NEGR1: variants seen among roughly 807,000 people sequenced by gnomAD.
The protein encoded by NEGR1 is IgLON family member 4.
A neutral mutation model predicts 40.9 loss-of-function variants in NEGR1; 10 were observed. The observed-to-expected ratio is 0.24, with a 90% confidence interval of 0.15 to 0.42. NEGR1 has a LOEUF of 0.42. NEGR1 is among the 10% of genes least tolerant of loss of function. The pLI is 1.00. For missense variants in NEGR1, 352 were observed against 438.9 expected (o/e 0.80, Z 1.77); for synonymous variants, 185 against 166.8 (o/e 1.11, Z -0.84).
intron 2 of NEGR1, among the ~76,000 whole-genome samples, chr1:71,814,563 C>T (rs1043848583): frequency 1.3e-5 from 2 of 151,920 alleles, no homozygotes; most frequent in East Asian, 1.9e-4. Context: ...GGTTGGCAGG[C>T]TATTTATTAC....
intron 1 of NEGR1, among the ~76,000 whole-genome samples, chr1:71,998,241 A>G (rs1016685188): frequency 2.6e-5 from 4 of 151,948 alleles, no homozygotes; most frequent in African/African-American, 9.7e-5. Flanking sequence ...ATTAAACCAA[A>G]TAATGCATGT....
Position 71,928,084 on chromosome 1 carries a change from G to A in NEGR1, c.409+6995C>T, listed in dbSNP as rs1190544302. Reference sequence around the variant, plus strand: ...TACACACACACATATGTACATATATGTATATATACACACATATGTATATAT... The same window carrying A: ...TACACACACACATATGTACATATATATATATATACACACATATGTATATAT... On this transcript the variant is annotated intron_variant, in intron 2 of 6. Coordinates refer to ENST00000357731, the MANE Select transcript of NEGR1 (RefSeq NM_173808.3). 7.4e-4 allele frequency among the ~76,000 whole-genome samples: 76 copies of A among 103,364 alleles called. 3 individuals are homozygous for A. The highest frequency in any genetic ancestry group is 7.9e-4 in the Non-Finnish European group (40 of 50,410). The allele number at this position is 103,364 out of a possible 152,430, so 67.8% of individuals were successfully genotyped here. A position where few individuals can be genotyped will look rare whatever the true frequency, so the allele number is the denominator to read the frequency against.
chr1:71,603,505 G>T (rs1649989025), intron 5 of NEGR1, among the ~76,000 whole-genome samples: 1 of 152,112 alleles, frequency 6.6e-6, no homozygotes, highest in Admixed American at 6.5e-5. Flanking sequence ...ATGTAATCCG[G>T]TTAGAATTAT....
intron 1 of NEGR1, among the ~76,000 whole-genome samples, chr1:72,267,110 C>T (rs967267272): frequency 3.3e-5 from 5 of 150,898 alleles, no homozygotes; most frequent in Admixed American, 1.3e-4. Flanking sequence ...GAGCTTCCAA[C>T]GTTTACCTTT....
At chr1:71,844,846 T>G (rs1374146142) in intron 2 of NEGR1, among the ~76,000 whole-genome samples, 1 of 152,164 alleles carries the variant, frequency 6.6e-6, no homozygotes, top group Non-Finnish European at 1.5e-5. Context: ...GGACAGAGAT[T>G]GTCTTGTCTT....
chr1:71,890,268 C>A (rs1213283284), intron 2 of NEGR1, among the ~76,000 whole-genome samples: 2 of 57,250 alleles, frequency 3.5e-5, no homozygotes, highest in Non-Finnish European at 6.0e-5. Flanking sequence ...AAGACACAGA[C>A]TAGCAAGTTG....
chr1:71,697,774 T>C (rs902505662), intron 4 of NEGR1, among the ~76,000 whole-genome samples: 3 of 151,780 alleles, frequency 2.0e-5, no homozygotes, highest in Non-Finnish European at 4.4e-5. Flanking sequence ...AGGAGAGTAT[T>C]AAACACATTT....
Position 72,268,519 on chromosome 1 carries a change from T to C in NEGR1, c.176+13800A>G, listed in dbSNP as rs190925628. 1.4e-3 allele frequency among the ~76,000 whole-genome samples: 216 copies of C among 151,560 alleles called. 2 individuals carry two copies. The highest frequency in any genetic ancestry group is 2.7e-3 in the Non-Finnish European group (180 of 67,574). On this transcript the variant is annotated intron_variant, in intron 1 of 6. Coordinates refer to ENST00000357731, the MANE Select transcript of NEGR1 (RefSeq NM_173808.3). The stretch of plus-strand genomic sequence containing the variant: ...GATGGGAACTTATCTCTTATCATCA[T>C]TGGATCTTAAACTCACAGAAAGTGG...
At chr1:71,757,780 A>G (rs753944747) in intron 3 of NEGR1, among the ~76,000 whole-genome samples, 33 of 152,142 alleles carry the variant, frequency 2.2e-4, no homozygotes, top group Non-Finnish European at 4.3e-4. Flanking sequence ...GAAACAGAAT[A>G]CAAAATAAAA....
chr1:71,810,802 C>A lies in NEGR1; in HGVS notation c.410-34505G>T, dbSNP rs139859245. Among the ~76,000 whole-genome samples the A allele has an allele frequency of 1.3e-3, 201 of 152,226 alleles. 6 individuals carry two copies. In the East Asian group the frequency reaches 0.036, roughly 27 times the overall value. ...AATGTGCCTGCTTCCTCTTTGCCTT[C>A]CACCATGATGGTAAGTTTCCTGAGG... On this transcript the variant is annotated intron_variant, in intron 2 of 6. Coordinates refer to ENST00000357731, the MANE Select transcript of NEGR1 (RefSeq NM_173808.3).
At chr1:72,075,171 G>C (rs937207326) in intron 1 of NEGR1, among the ~76,000 whole-genome samples, 2 of 152,050 alleles carry the variant, frequency 1.3e-5, no homozygotes, top group African/African-American at 2.4e-5. Context: ...CATAGATATA[G>C]AGAAGCTTAG....
intron 1 of NEGR1, among the ~76,000 whole-genome samples, chr1:71,975,481 T>A (rs1382617316): frequency 2.0e-5 from 3 of 152,246 alleles, no homozygotes; most frequent in African/African-American, 7.2e-5. Flanking sequence ...TTCAATGGAA[T>A]GCTCTTCTGA....
At chr1:72,103,203 G>T (rs1338753625) in intron 1 of NEGR1, among the ~76,000 whole-genome samples, 1 of 152,048 alleles carries the variant, frequency 6.6e-6, no homozygotes, top group African/African-American at 2.4e-5. Context: ...GGCCATTACA[G>T]TCTTAAGATT....
chr1:72,165,177 TCAA>T lies in NEGR1; in HGVS notation c.176+117139_176+117141del, dbSNP rs1651723068. Among the ~76,000 whole-genome samples the T allele has an allele frequency of 2.6e-5, 4 of 152,024 alleles. No individual in the cohort carries two copies. The South Asian group carries it at 8.3e-4, about 31-fold the overall frequency. On this transcript the variant is annotated intron_variant, in intron 1 of 6. Transcript: ENST00000357731. ...TATTGGAGAGGAGAAGAGCATAACA[TCAA>T]CAACAGCTTTCTCTGTTACATGAAA...
rs768011020 is a variant in NEGR1, at chr1:71,749,988, C to CTTTTTTTTTTTTTTTTT, written c.535+26183_535+26184insAAAAAAAAAAAAAAAAA. Reference sequence around the variant, plus strand: ...TCCTGATGAAATGGTTTGCTCCTTTCTTTTTTTTTTTTTTTTGAGACGGAG... The same window carrying CTTTTTTTTTTTTTTTTT: ...TCCTGATGAAATGGTTTGCTCCTTTCTTTTTTTTTTTTTTTTTTTTTTTTTTTTTTTTTGAGACGGAG... On this transcript the variant is annotated intron_variant, in intron 3 of 6. Coordinates refer to ENST00000357731, the MANE Select transcript of NEGR1 (RefSeq NM_173808.3). Among the ~76,000 whole-genome samples, 115 of 136,606 alleles carry CTTTTTTTTTTTTTTTTT rather than the reference C, an allele frequency of 8.4e-4. 1 individual carries two copies. The highest frequency in any genetic ancestry group is 4.2e-3 in the East Asian group (19 of 4,494). The allele number at this position is 136,606 out of a possible 152,430, so 89.6% of individuals were successfully genotyped here. A position where few individuals can be genotyped will look rare whatever the true frequency, so the allele number is the denominator to read the frequency against.
intron 1 of NEGR1, among the ~76,000 whole-genome samples, chr1:72,098,217 T>C (rs1387386577): frequency 6.6e-6 from 1 of 152,110 alleles, no homozygotes; most frequent in African/African-American, 2.4e-5. Flanking sequence ...AACAACTGTA[T>C]AGACCTGGAC....
chr1:71,734,151 A>G (rs1390624961), intron 3 of NEGR1, among the ~76,000 whole-genome samples: 1 of 152,190 alleles, frequency 6.6e-6, no homozygotes, highest in Non-Finnish European at 1.5e-5. Context: ...AATAAGAAAA[A>G]GCATTTGATT....
intron 6 of NEGR1, among the ~76,000 whole-genome samples, chr1:71,409,296 G>C (rs1037442886): frequency 4.6e-5 from 7 of 151,854 alleles, no homozygotes; most frequent in Admixed American, 2.6e-4. Context: ...AGTTATGCTA[G>C]AGTTGTTTTT....
intron 6 of NEGR1, among the ~76,000 whole-genome samples, chr1:71,470,551 T>G (rs1478230633): frequency 1.3e-5 from 2 of 152,140 alleles, no homozygotes. Flanking sequence ...TGTTCAGACT[T>G]CATATGACTA....
Sources: allele counts gnomAD v4.1 joint callset (sites outside exome capture counted in the v4.1 genomes callset), GRCh38; gene constraint gnomAD v4.1.1; transcripts MANE v1.5; gene names NCBI Gene and HGNC (gene_info 2026-07-23, HGNC 2026-07-21).